Variants in HS6ST3 observed in about 807,000 individuals in gnomAD.
The protein encoded by HS6ST3 is heparan-sulfate 6-O-sulfotransferase 3.
HS6ST3 carries 12 observed loss-of-function variants against 36.7 expected under a neutral mutation model. The observed-to-expected ratio is 0.33, with a 90% CI of 0.21 to 0.53. The LOEUF is 0.53. Ranked by LOEUF, HS6ST3 falls within the 20% of genes least tolerant of loss-of-function variation. HS6ST3 has a pLI of 0.95. For synonymous variants in HS6ST3, 240 were observed against 257.5 expected, an observed-to-expected ratio of 0.93 and a Z score of 0.65; for missense variants, 584 against 640.9, an observed-to-expected ratio of 0.91 and a Z score of 0.96.
intron 1 of HS6ST3, among the ~76,000 whole-genome samples, chr13:96,371,457 A>G (rs955300570): frequency 3.3e-5 from 5 of 152,094 alleles, no homozygotes; most frequent in Admixed American, 1.3e-4. Flanking sequence ...AGTTACGTGT[A>G]TGTGTGTGTG....
intron 1 of HS6ST3, among the ~76,000 whole-genome samples, chr13:96,156,849 C>T (rs934492198): frequency 6.6e-6 from 1 of 152,140 alleles, no homozygotes; most frequent in South Asian, 2.1e-4. Flanking sequence ...CACAGTGCCT[C>T]GCATAAATGC....
intron 1 of HS6ST3, among the ~76,000 whole-genome samples, chr13:96,156,100 G>A (rs751521306): frequency 6.6e-6 from 1 of 152,146 alleles, no homozygotes; most frequent in Non-Finnish European, 1.5e-5. Flanking sequence ...GTTTTACTAT[G>A]TAGTTGGGAC....
intron 1 of HS6ST3, chr13:96,573,725 G>A (rs539015472): frequency 3.0e-5 from 9 of 302,312 alleles, no homozygotes; most frequent in South Asian, 2.4e-4. Context: ...ACAGTCACAA[G>A]AATGAGTCCA....
At chr13:96,719,199 G>A (rs181946813) in intron 1 of HS6ST3, among the ~76,000 whole-genome samples, 10 of 151,890 alleles carry the variant, frequency 6.6e-5, no homozygotes, top group East Asian at 5.8e-4. Context: ...GCTTGAACCC[G>A]GGAGACGGAG....
At chr13:96,480,519 A>G (rs576228858) in intron 1 of HS6ST3, among the ~76,000 whole-genome samples, 106 of 152,252 alleles carry the variant, frequency 7.0e-4, no homozygotes, top group African/African-American at 2.4e-3. Flanking sequence ...GTGCAACATT[A>G]CTGGACTTAA....
chr13:96,320,807 C>T (rs576238614), intron 1 of HS6ST3, among the ~76,000 whole-genome samples: 4 of 152,292 alleles, frequency 2.6e-5, no homozygotes, highest in Admixed American at 6.5e-5. Context: ...ATGAGTGAGA[C>T]GTTGGGTCAG....
At chr13:96,159,916 C>A (rs2054128080) in intron 1 of HS6ST3, among the ~76,000 whole-genome samples, 1 of 152,132 alleles carries the variant, frequency 6.6e-6, no homozygotes, top group African/African-American at 2.4e-5. Context: ...CATGTCTCTG[C>A]TTGATCTCTT....
intron 1 of HS6ST3, among the ~76,000 whole-genome samples, chr13:96,596,262 G>A (rs989736594): frequency 6.6e-6 from 1 of 152,100 alleles, no homozygotes; most frequent in African/African-American, 2.4e-5. Flanking sequence ...CCAAGTTGCT[G>A]TGAAAGACAT....
intron 1 of HS6ST3, among the ~76,000 whole-genome samples, chr13:96,827,929 G>A (rs1878683621): frequency 6.6e-6 from 1 of 152,166 alleles, no homozygotes; most frequent in African/African-American, 2.4e-5. Flanking sequence ...TAGGACTAAA[G>A]CAGGATTAAT....
chr13:96,598,507 G>C (rs2056410125), intron 1 of HS6ST3, among the ~76,000 whole-genome samples: 1 of 152,074 alleles, frequency 6.6e-6, no homozygotes, highest in Non-Finnish European at 1.5e-5. Flanking sequence ...CAGTGCTACT[G>C]ATCTGTGTAC....
At chr13:96,676,000 C>T (rs2056697739) in intron 1 of HS6ST3, among the ~76,000 whole-genome samples, 1 of 152,094 alleles carries the variant, frequency 6.6e-6, no homozygotes, top group African/African-American at 2.4e-5. Flanking sequence ...GAGATGAGTT[C>T]CCCTCAGGTC....
intron 1 of HS6ST3, among the ~76,000 whole-genome samples, chr13:96,119,655 G>GTATAAT (rs2053915532): frequency 6.6e-6 from 1 of 152,112 alleles, no homozygotes; most frequent in Non-Finnish European, 1.5e-5. Context: ...ACTTCCTACT[G>GTATAAT]TAGAGTATAA....
intron 1 of HS6ST3, among the ~76,000 whole-genome samples, chr13:96,583,029 G>A (rs946178503): frequency 1.3e-5 from 2 of 151,662 alleles, no homozygotes; most frequent in African/African-American, 4.8e-5. Flanking sequence ...ACGCTTCCAG[G>A]TCATCATCCT....
chr13:96,361,868 A>T (rs11617420), intron 1 of HS6ST3, among the ~76,000 whole-genome samples: 3 of 152,110 alleles, frequency 2.0e-5, no homozygotes, highest in African/African-American at 7.2e-5. Context: ...AAACATTACA[A>T]TCTTATTTTT....
chr13:96,671,248 C>T (rs34638249), intron 1 of HS6ST3, among the ~76,000 whole-genome samples: 5,521 of 152,124 alleles, frequency 0.036, 172 homozygotes, highest in Admixed American at 0.092. Flanking sequence ...CTTTACCCCA[C>T]CCTCCCAAAT....
chr13:96,637,274 G>A (rs1236590001), intron 1 of HS6ST3, among the ~76,000 whole-genome samples: 1 of 152,080 alleles, frequency 6.6e-6, no homozygotes, highest in Non-Finnish European at 1.5e-5. Flanking sequence ...GAGCAGGAGT[G>A]GAAAAGTGTC....
intron 1 of HS6ST3, among the ~76,000 whole-genome samples, chr13:96,161,447 G>A (rs2054135422): frequency 6.6e-6 from 1 of 152,164 alleles, no homozygotes; most frequent in African/African-American, 2.4e-5. Flanking sequence ...GGCAGAGTTT[G>A]TGAAGAGATG....
chr13:96,610,531 T>C (rs913641924), intron 1 of HS6ST3, among the ~76,000 whole-genome samples: 2 of 152,212 alleles, frequency 1.3e-5, no homozygotes, highest in African/African-American at 2.4e-5. Flanking sequence ...AACTTTTAAA[T>C]GTACGTTGGC....
chr13:96,183,121 C>T (rs1419292405), intron 1 of HS6ST3, among the ~76,000 whole-genome samples: 1 of 152,148 alleles, frequency 6.6e-6, no homozygotes, highest in Non-Finnish European at 1.5e-5. Context: ...ATTTTCATAA[C>T]CTCCATTTTC....
Sources: allele counts gnomAD v4.1 joint callset (sites outside exome capture counted in the v4.1 genomes callset), GRCh38; gene constraint gnomAD v4.1.1; transcripts MANE v1.5; gene names NCBI Gene and HGNC (gene_info 2026-07-23, HGNC 2026-07-21).